LINGO2: variants seen among roughly 807,000 people sequenced by gnomAD.
LINGO2 encodes leucine-rich repeat and immunoglobulin-like domain-containing nogo receptor-interacting protein 2.
LINGO2 carries 14 observed loss-of-function variants against 30.6 expected under a neutral mutation model. The observed-to-expected ratio is 0.46, with a 90% CI of 0.30 to 0.72. The LOEUF is 0.72. LINGO2 is among the 30% of genes least tolerant of loss of function. The pLI is 0.07. For synonymous variants in LINGO2, 317 were observed against 288.5 expected, an observed-to-expected ratio of 1.10 and a Z score of -1.00; for missense variants, 729 against 751.7, an observed-to-expected ratio of 0.97 and a Z score of 0.35.
the LINGO2 span, among the ~76,000 whole-genome samples, chr9:28,972,987 A>G: frequency 6.6e-6 from 1 of 152,200 alleles, no homozygotes; most frequent in African/African-American, 2.4e-5. Flanking sequence ...AAACCATATC[A>G]GGAGACAAAA....
At chr9:29,001,548 G>C in the LINGO2 span, among the ~76,000 whole-genome samples, 1 of 151,910 alleles carries the variant, frequency 6.6e-6, no homozygotes, top group African/African-American at 2.4e-5. Context: ...TCACTTCCTT[G>C]CTACTTGGGC....
chr9:29,139,496 T>C, the LINGO2 span, among the ~76,000 whole-genome samples: 1 of 152,108 alleles, frequency 6.6e-6, no homozygotes. Flanking sequence ...TTAAGACAAT[T>C]AGAAAATTGA....
At chr9:28,919,643 C>A in the LINGO2 span, among the ~76,000 whole-genome samples, 2 of 152,044 alleles carry the variant, frequency 1.3e-5, no homozygotes, top group African/African-American at 4.8e-5. Context: ...CATGGACATT[C>A]TTTTATTCAG....
chr9:28,877,307 T>G, the LINGO2 span, among the ~76,000 whole-genome samples: 1 of 151,528 alleles, frequency 6.6e-6, no homozygotes, highest in Non-Finnish European at 1.5e-5. Context: ...TTTGGTGTTT[T>G]AGACATGAAG....
chr9:28,240,782 A>G (rs1821755123), intron 4 of LINGO2, among the ~76,000 whole-genome samples: 1 of 152,198 alleles, frequency 6.6e-6, no homozygotes, highest in African/African-American at 2.4e-5. Flanking sequence ...GAAAGAAAAC[A>G]TGGACAAATG....
chr9:29,071,144 T>A, the LINGO2 span, among the ~76,000 whole-genome samples: 5 of 141,234 alleles, frequency 3.5e-5, no homozygotes, highest in African/African-American at 1.3e-4. Flanking sequence ...TACAATTGCA[T>A]CACAGAGAAT....
chr9:28,169,333 A>G (rs1435218451), intron 4 of LINGO2, among the ~76,000 whole-genome samples: 1 of 152,178 alleles, frequency 6.6e-6, no homozygotes, highest in Non-Finnish European at 1.5e-5. Context: ...AAAGTAGGTA[A>G]AAAAATTTTT....
chr9:28,559,761 TTATG>T (rs1563824501), intron 1 of LINGO2, among the ~76,000 whole-genome samples: 2 of 152,110 alleles, frequency 1.3e-5, no homozygotes, highest in African/African-American at 4.8e-5. Context: ...GATTGTCCTT[TTATG>T]TTTGCCAGTA....
At chr9:29,083,644 G>GAA in the LINGO2 span, among the ~76,000 whole-genome samples, 3 of 140,490 alleles carry the variant, frequency 2.1e-5, no homozygotes, top group African/African-American at 2.7e-5. Context: ...CTACAGAAAT[G>GAA]AAAAAAAAAA....
chr9:28,118,082 G>A (rs530065651), intron 4 of LINGO2, among the ~76,000 whole-genome samples: 5 of 152,166 alleles, frequency 3.3e-5, no homozygotes, highest in Non-Finnish European at 5.9e-5. Context: ...GGCCTGTTGG[G>A]GGGTGGAGTA....
At chr9:28,534,125 C>T (rs1280438188) in intron 1 of LINGO2, among the ~76,000 whole-genome samples, 1 of 152,060 alleles carries the variant, frequency 6.6e-6, no homozygotes, top group African/African-American at 2.4e-5. Flanking sequence ...ACAATTAAAC[C>T]TTGCCTTGTT....
intron 4 of LINGO2, among the ~76,000 whole-genome samples, chr9:28,202,094 T>A (rs994246): frequency 1.3e-5 from 2 of 151,912 alleles, no homozygotes; most frequent in Non-Finnish European, 2.9e-5. Flanking sequence ...TTCTGTGCAT[T>A]TACCTGTGTC....
At chr9:29,048,462 A>C in the LINGO2 span, among the ~76,000 whole-genome samples, 1 of 44,766 alleles carries the variant, frequency 2.2e-5, no homozygotes, top group Admixed American at 2.2e-4. Context: ...ACAGAAATAG[A>C]AAAAAAAATC....
At chr9:28,716,862 T>C in the LINGO2 span, among the ~76,000 whole-genome samples, 552 of 152,228 alleles carry the variant, frequency 3.6e-3, 3 homozygotes, top group Non-Finnish European at 4.8e-3. Context: ...CCAGCTATCA[T>C]AAATTAACCA....
At chr9:28,328,037 T>A (rs1171985988) in intron 3 of LINGO2, among the ~76,000 whole-genome samples, 2 of 152,090 alleles carry the variant, frequency 1.3e-5, no homozygotes, top group Non-Finnish European at 2.9e-5. Context: ...AATGTGTGCA[T>A]CAGAAAGCTC....
At chr9:28,782,815 GA>G in the LINGO2 span, among the ~76,000 whole-genome samples, 1 of 152,190 alleles carries the variant, frequency 6.6e-6, no homozygotes, top group African/African-American at 2.4e-5. Flanking sequence ...AACATTCTGA[GA>G]AATGGAAGTT....
chr9:28,935,317 G>C, the LINGO2 span, among the ~76,000 whole-genome samples: 1 of 151,946 alleles, frequency 6.6e-6, no homozygotes, highest in Non-Finnish European at 1.5e-5. Context: ...CTCAAACATG[G>C]AACTGTCAAA....
chr9:28,628,008 C>T (rs1413991597), intron 1 of LINGO2, among the ~76,000 whole-genome samples: 1 of 151,992 alleles, frequency 6.6e-6, no homozygotes, highest in Non-Finnish European at 1.5e-5. Context: ...ATTGTCTGCT[C>T]TCTGTTTCTA....
intron 4 of LINGO2, among the ~76,000 whole-genome samples, chr9:28,083,108 A>C (rs1006736117): frequency 6.6e-6 from 1 of 152,202 alleles, no homozygotes. Context: ...CTCTAAGAGT[A>C]GAATTATATG....
Sources: gnomAD v4.1 joint callset for allele counts (sites outside exome capture counted in the v4.1 genomes callset) on GRCh38, gnomAD v4.1.1 for gene constraint, MANE v1.5 for transcripts, NCBI Gene and HGNC (gene_info 2026-07-23, HGNC 2026-07-21) for gene names.